EYS: variants seen among roughly 807,000 people sequenced by gnomAD.
EYS encodes protein eyes shut homolog.
Under a neutral mutation model 282.1 loss-of-function variants are expected in EYS, and 250 were observed. That is an observed-to-expected ratio of 0.89 (90% CI 0.80 to 0.98). The LOEUF is 0.98. EYS is among the 50% of genes least tolerant of loss of function. The pLI is 0.00. For synonymous variants in EYS, 1,355 were observed against 1,282.9 expected, an observed-to-expected ratio of 1.06 and a Z score of -1.20; for missense variants, 4,016 against 3,709.0, an observed-to-expected ratio of 1.08 and a Z score of -2.15.
chr6:65,072,972 G>GT (rs1773944226), intron 12 of EYS, among the ~76,000 whole-genome samples: 3 of 151,330 alleles, frequency 2.0e-5, no homozygotes, highest in South Asian at 2.1e-4. Flanking sequence ...TATAATTAAT[G>GT]TTTTTTATGA....
chr6:64,987,597 A>G (rs1770904340), intron 14 of EYS, among the ~76,000 whole-genome samples: 1 of 151,436 alleles, frequency 6.6e-6, no homozygotes, highest in African/African-American at 2.4e-5. Context: ...GAGGTACAGC[A>G]TATGTAGGAC....
chr6:63,794,209 A>G (rs1023210821), intron 37 of EYS, among the ~76,000 whole-genome samples: 1 of 152,222 alleles, frequency 6.6e-6, no homozygotes, highest in Non-Finnish European at 1.5e-5. Flanking sequence ...CCTAGCACAT[A>G]GTAGGTACTC....
Position 65,617,331 on chromosome 6 carries a change from G to C in EYS, c.-333+22447C>G, listed in dbSNP as rs1041427335. On this transcript the variant is annotated intron_variant, in intron 2 of 42. Coordinates refer to ENST00000503581, the MANE Select transcript of EYS (RefSeq NM_001142800.2). ...TAAAATATCTAGTTTACTAGTGACA[G>C]TCAGAATGCAAATTAATAGAGAAAA... Among the ~76,000 whole-genome samples the C allele has an allele frequency of 2.0e-5, 3 of 152,142 alleles. No homozygotes were observed. In the East Asian group the frequency reaches 5.8e-4, roughly 29 times the overall value.
intron 40 of EYS, among the ~76,000 whole-genome samples, chr6:63,766,861 T>C (rs1180831293): frequency 6.6e-6 from 1 of 151,904 alleles, no homozygotes; most frequent in Non-Finnish European, 1.5e-5. Context: ...GATAGCAATA[T>C]AGTAAAGGGA....
At chr6:65,060,984 C>T (rs1424209807) in intron 12 of EYS, among the ~76,000 whole-genome samples, 3 of 151,590 alleles carry the variant, frequency 2.0e-5, no homozygotes, top group African/African-American at 7.3e-5. Context: ...CTGTAAAGGA[C>T]AGGTAATCAT....
intron 29 of EYS, among the ~76,000 whole-genome samples, chr6:64,350,585 C>G (rs1417400752): frequency 6.6e-6 from 1 of 151,570 alleles, no homozygotes; most frequent in Non-Finnish European, 1.5e-5. Context: ...CTATCCCTCT[C>G]AAGTCTCTCG....
chr6:65,167,159 A>G (rs1432826799), intron 12 of EYS, among the ~76,000 whole-genome samples: 1 of 151,212 alleles, frequency 6.6e-6, no homozygotes, highest in East Asian at 2.0e-4. Flanking sequence ...ACATAGAGGT[A>G]TCATACAGCA....
intron 41 of EYS, among the ~76,000 whole-genome samples, chr6:63,740,650 A>T (rs1769052206): frequency 1.3e-5 from 2 of 152,208 alleles, no homozygotes; most frequent in Non-Finnish European, 2.9e-5. Context: ...ATCTATTTTA[A>T]AGATGAGATA....
intron 26 of EYS, among the ~76,000 whole-genome samples, chr6:64,556,530 G>A (rs1293719645): frequency 6.6e-6 from 1 of 151,860 alleles, no homozygotes; most frequent in Non-Finnish European, 1.5e-5. Flanking sequence ...TCAGAAAATG[G>A]ACATATTCTA....
chr6:64,544,146 C>T (rs1764774105), intron 26 of EYS, among the ~76,000 whole-genome samples: 1 of 152,312 alleles, frequency 6.6e-6, no homozygotes, highest in African/African-American at 2.4e-5. Context: ...TTGCAGCTTA[C>T]TGCCATTTGG....
At chr6:65,095,330 T>C (rs962058040) in intron 12 of EYS, among the ~76,000 whole-genome samples, 1 of 151,048 alleles carries the variant, frequency 6.6e-6, no homozygotes, top group Non-Finnish European at 1.5e-5. Flanking sequence ...TTTCAAGACA[T>C]CTATTATACA....
chr6:65,570,293 T>C (rs1309550043), intron 2 of EYS, among the ~76,000 whole-genome samples: 2 of 152,126 alleles, frequency 1.3e-5, no homozygotes, highest in African/African-American at 4.8e-5. Context: ...TTAAGAATAG[T>C]AATGAATTAG....
At chr6:64,634,535 T>C (rs1042058866) in intron 22 of EYS, among the ~76,000 whole-genome samples, 10 of 99,740 alleles carry the variant, frequency 1.0e-4, no homozygotes, top group Non-Finnish European at 7.9e-5. Context: ...CTCAGTAAGA[T>C]ACCCTAGCTT....
intron 1 of EYS, among the ~76,000 whole-genome samples, chr6:65,640,479 G>C (rs1767238869): frequency 6.6e-6 from 1 of 151,884 alleles, no homozygotes; most frequent in Non-Finnish European, 1.5e-5. Context: ...ATATGTATAT[G>C]TCTTCAGTTG....
At chr6:64,286,356 A>C (rs1348450933) in intron 30 of EYS, among the ~76,000 whole-genome samples, 1 of 152,182 alleles carries the variant, frequency 6.6e-6, no homozygotes, top group Non-Finnish European at 1.5e-5. Context: ...GACACAATTA[A>C]TACAATGGTA....
rs185345060 is a variant in EYS, at chr6:64,891,726, C to T, written c.2847-4884G>A. 2.8e-4 allele frequency among the ~76,000 whole-genome samples: 42 copies of T among 152,194 alleles called. No homozygotes were observed. The East Asian group carries it at 7.9e-3, about 29-fold the overall frequency. On this transcript the variant is annotated intron_variant, in intron 18 of 42. Coordinates refer to ENST00000503581, the MANE Select transcript of EYS (RefSeq NM_001142800.2). ...TAAGTGATCCAGTCAAATGTACAGTCAGTACTGCATTTTATATTAAAGGTC... is the reference window on the plus strand; with the variant it reads ...TAAGTGATCCAGTCAAATGTACAGTTAGTACTGCATTTTATATTAAAGGTC...
intron 16 of EYS, among the ~76,000 whole-genome samples, chr6:64,910,636 A>G (rs1405285325): frequency 6.6e-6 from 1 of 152,038 alleles, no homozygotes; most frequent in Non-Finnish European, 1.5e-5. Context: ...ACTAAGGGGA[A>G]ATAAGATTAC....
At chr6:64,081,114 G>A (rs1282390985) in intron 32 of EYS, among the ~76,000 whole-genome samples, 2 of 152,168 alleles carry the variant, frequency 1.3e-5, no homozygotes, top group East Asian at 1.9e-4. Context: ...GTGACTTTAT[G>A]GGGATGGCAG....
chr6:64,750,332 G>A (rs981573457), intron 22 of EYS, among the ~76,000 whole-genome samples: 1 of 148,938 alleles, frequency 6.7e-6, no homozygotes, highest in Non-Finnish European at 1.5e-5. Context: ...GTTAGACTGA[G>A]AATAAAGAAT....
Sources: allele counts gnomAD v4.1 joint callset (sites outside exome capture counted in the v4.1 genomes callset), GRCh38; gene constraint gnomAD v4.1.1; transcripts MANE v1.5; gene names NCBI Gene and HGNC (gene_info 2026-07-23, HGNC 2026-07-21).